The following FBN1 variants were observed in gnomAD, a reference collection of about 807,000 sequenced individuals.
The protein encoded by FBN1 is fibrillin-1.
A neutral mutation model predicts 365.1 loss-of-function variants in FBN1; 29 were observed. The ratio of observed to expected loss-of-function variants is 0.08; its 90% confidence interval spans 0.06 to 0.11. The LOEUF is 0.11. Among genes scored for constraint, FBN1 ranks in the 10% least tolerant of loss-of-function variants. FBN1 has a pLI of 1.00. For synonymous variants in FBN1, 1,210 were observed against 1,270.5 expected (o/e 0.95, Z 1.01); for missense variants, 2,476 against 3,703.2 (o/e 0.67, Z 8.60).
intron 9 of FBN1, among the ~76,000 whole-genome samples, chr15:48,522,210 AT>A (rs746466521): frequency 2.6e-5 from 4 of 152,204 alleles, no homozygotes; most frequent in Non-Finnish European, 5.9e-5. Context: ...GATCTACATT[AT>A]GGTGAGTTGT....
intron 32 of FBN1, among the ~76,000 whole-genome samples, chr15:48,479,955 T>C (rs2043454038): frequency 6.6e-6 from 1 of 152,190 alleles, no homozygotes; most frequent in Non-Finnish European, 1.5e-5. Flanking sequence ...CTCTAGACAC[T>C]GTGTCTATGT....
chr15:48,446,385 A>C (rs1264923024), intron 47 of FBN1, among the ~76,000 whole-genome samples: 1 of 152,172 alleles, frequency 6.6e-6, no homozygotes, highest in Non-Finnish European at 1.5e-5. Context: ...TATTGATGTT[A>C]ATCTATTACC....
Position 48,412,665 on chromosome 15 carries a change from G to A in FBN1, c.8130C>T (p.Leu2710=), listed in dbSNP as rs372105662. 28 of 1,614,134 alleles carry A rather than the reference G, an allele frequency of 1.7e-5. No individual in the cohort carries two copies. The highest frequency in any genetic ancestry group is 2.4e-5 in the Non-Finnish European group (28 of 1,180,034). Residue 2710 remains leucine (L), a synonymous_variant, in exon 65 of 66, where the codon CTC becomes CTT. Transcript: ENST00000316623. ...TACACTCGTAACAAGCCTCTGGGGA[G>A]AGTGAATTGTCATCCATTTCACCAC... ...PVSGEMDDNS[L]SPEACYECKI...
rs2043995400 is a variant in FBN1, at chr15:48,534,164, C to T, written c.778G>A (p.Gly260Arg). The change falls in exon 8 of 66, where the codon GGA (glycine) becomes AGA (arginine). Residue 260 changes from glycine (G) to arginine (R), a missense_variant. Gly to Arg is a moderately radical substitution (Grantham distance 125). This residue lies in a region of FBN1 where 421 missense variants were observed against 520.1 expected (regional missense o/e 0.81). Transcript: ENST00000316623. ...CQAIPGLCQG[G>R]NCINTVGSFE... ...GACCCAACAGTATTAATGCAATTTC[C>T]TCCCTGACAGAGCCCGGGGATGGCC... 1 of 1,613,804 alleles carries T rather than the reference C, an allele frequency of 6.2e-7. No individual in the cohort carries two copies. The highest frequency in any genetic ancestry group is 8.5e-7 in the Non-Finnish European group (1 of 1,179,942).
chr15:48,617,801 T>A (rs1889686584), intron 2 of FBN1, among the ~76,000 whole-genome samples: 1 of 152,232 alleles, frequency 6.6e-6, no homozygotes, highest in Non-Finnish European at 1.5e-5. Context: ...ACTTGGCCTC[T>A]GTGCAAGATG....
chr15:48,428,904 T>C (rs2043003854), intron 56 of FBN1, among the ~76,000 whole-genome samples: 1 of 152,190 alleles, frequency 6.6e-6, no homozygotes, highest in Non-Finnish European at 1.5e-5. Context: ...TCATTTCCTA[T>C]TTCCCAGACA....
At chr15:48,478,842 G>A (rs1027738615) in intron 32 of FBN1, among the ~76,000 whole-genome samples, 2 of 152,076 alleles carry the variant, frequency 1.3e-5, no homozygotes, top group South Asian at 2.1e-4. Context: ...GTGATTGGGG[G>A]AAAAAACATG....
intron 6 of FBN1, among the ~76,000 whole-genome samples, chr15:48,587,534 T>C (rs2044446956): frequency 6.6e-6 from 1 of 152,172 alleles, no homozygotes; most frequent in African/African-American, 2.4e-5. Context: ...TCCAGTACCA[T>C]GAAAGCTGAC....
At chr15:48,486,983 G>C (rs894668350) in intron 29 of FBN1, 92 bp downstream of exon 29, 15 of 1,043,112 alleles carry the variant, frequency 1.4e-5, no homozygotes, top group Non-Finnish European at 1.9e-5. Flanking sequence ...TTTAGGGAGA[G>C]ATGAAATAAA....
chr15:48,585,789 G>C (rs1188639779), intron 6 of FBN1, among the ~76,000 whole-genome samples: 2 of 152,152 alleles, frequency 1.3e-5, no homozygotes, highest in Non-Finnish European at 2.9e-5. Flanking sequence ...GTAATTCCCA[G>C]ATGATGGGAC....
chr15:48,419,721 AC>A (rs1032706590), intron 63 of FBN1, among the ~76,000 whole-genome samples: 88 of 152,222 alleles, frequency 5.8e-4, no homozygotes, highest in African/African-American at 2.0e-3. Context: ...ATGAAAGTGA[AC>A]CCCTGCAATG....
intron 9 of FBN1, among the ~76,000 whole-genome samples, chr15:48,524,937 G>C (rs1046901500): frequency 6.6e-6 from 1 of 152,170 alleles, no homozygotes; most frequent in African/African-American, 2.4e-5. Context: ...TGAACCATCT[G>C]ATATGTAAAT....
At chr15:48,547,220 T>C (rs895349152) in intron 6 of FBN1, among the ~76,000 whole-genome samples, 1 of 152,212 alleles carries the variant, frequency 6.6e-6, no homozygotes, top group African/African-American at 2.4e-5. Context: ...GACATTTATG[T>C]ATAAACATTA....
At chr15:48,630,264 T>C (rs1013726693) in intron 2 of FBN1, among the ~76,000 whole-genome samples, 2 of 152,176 alleles carry the variant, frequency 1.3e-5, no homozygotes, top group African/African-American at 4.8e-5. Flanking sequence ...ATCAGGTCCA[T>C]AAAAAGGTTA....
chr15:48,421,482 A>G, intron 62 of FBN1, 76 bp downstream of exon 62: 2 of 1,557,294 alleles, frequency 1.3e-6, no homozygotes, highest in Non-Finnish European at 1.7e-6. Flanking sequence ...GAGGCTGATG[A>G]TGAAGGTGCC....
At chr15:48,610,993 A>G (rs1351629966) in intron 3 of FBN1, among the ~76,000 whole-genome samples, 167 bp from the exon 4 acceptor site, 1 of 152,056 alleles carries the variant, frequency 6.6e-6, no homozygotes, top group Non-Finnish European at 1.5e-5. Context: ...AAACAAGTCT[A>G]TTGAACTAAA....
rs774630790 is a variant in FBN1, at chr15:48,526,264, T to C, written c.863-9A>G. On this transcript the variant is annotated splice_polypyrimidine_tract_variant and intron_variant, in intron 8 of 65. Coordinates refer to ENST00000316623, the MANE Select transcript of FBN1 (RefSeq NM_000138.5). ...GCTGCATTCATCAATATCTGGAATATAAAAAAAAGAATCTCAGCATTTGTA... is the reference window on the plus strand; with the variant it reads ...GCTGCATTCATCAATATCTGGAATACAAAAAAAAGAATCTCAGCATTTGTA... 1.2e-6 allele frequency: 2 copies of C among 1,612,784 alleles called. No individual in the cohort carries two copies. The highest frequency in any genetic ancestry group is 1.7e-6 in the Non-Finnish European group (2 of 1,179,312).
At chr15:48,457,662 T>G (rs1004101460) in intron 43 of FBN1, among the ~76,000 whole-genome samples, 1 of 152,142 alleles carries the variant, frequency 6.6e-6, no homozygotes, top group African/African-American at 2.4e-5. Context: ...GTAGTAATAG[T>G]AGTAATAATG....
chr15:48,614,447 A>G (rs528298274), intron 2 of FBN1, among the ~76,000 whole-genome samples: 6 of 152,332 alleles, frequency 3.9e-5, no homozygotes, highest in African/African-American at 1.4e-4. Context: ...TGAACTCACT[A>G]CTTCAACATC....
Sources: gnomAD v4.1 joint callset for allele counts (sites outside exome capture counted in the v4.1 genomes callset) on GRCh38, gnomAD v4.1.1 for gene constraint, gnomAD v4.1.1 regional missense constraint, MANE v1.5 for transcripts, NCBI Gene and HGNC (gene_info 2026-07-23, HGNC 2026-07-21) for gene names.